Variants in CCDC80 observed in about 807,000 individuals in gnomAD.
The protein encoded by CCDC80 is coiled-coil domain-containing protein 80.
Under a neutral mutation model 78.7 loss-of-function variants are expected in CCDC80, and 49 were observed. The ratio of observed to expected loss-of-function variants is 0.62; its 90% CI spans 0.50 to 0.79. The LOEUF (loss-of-function observed/expected upper bound fraction) is 0.79. Ranked by LOEUF, CCDC80 falls within the 30% of genes least tolerant of loss-of-function variation. The pLI, the probability that CCDC80 is intolerant of heterozygous loss-of-function variation, is 0.00. For missense variants in CCDC80, 1,205 were observed against 1,198.6 expected (o/e 1.01, Z -0.08); for synonymous variants, 488 against 447.0 (o/e 1.09, Z -1.16).
rs767850556 is a variant in CCDC80 at position 112,638,189 on chromosome 3, C to G, written c.1717G>C (p.Glu573Gln). The stretch of plus-strand genomic sequence containing the variant: ...TCTTTCTCTTGCTTGCTCTTTTTCT[C>G]AGACTTCTTCATTTGCTTTTCACTC... ...LKSEKQMKKS[E>Q]KKSKQEKEKS... Residue 573 changes from glutamate to glutamine, a missense_variant, in exon 2 of 8, where the codon GAG becomes CAG. Coordinates refer to ENST00000206423, the MANE Select transcript of CCDC80 (RefSeq NM_199511.3). 1.8e-5 allele frequency: 29 copies of G among 1,613,264 alleles called. No homozygotes were observed. In the South Asian group the frequency reaches 2.9e-4, roughly 16 times the overall value.
In CCDC80 at chr3:112,605,293, T is replaced by G; in HGVS notation, c.*124A>C. 1 of 634,340 alleles carries G rather than the reference T, an allele frequency of 1.6e-6. No individual in the cohort carries two copies. Among genetic ancestry groups the G allele is most frequent in the Admixed American group, 3.2e-5 (1 of 31,092 alleles). 39.3% of individuals were successfully genotyped at this position (634,340 alleles called of 1,614,324 possible). A position where few individuals can be genotyped will look rare whatever the true frequency, so the allele number is the denominator to read the frequency against. On this transcript the variant is annotated 3_prime_UTR_variant, in exon 8 of 8. Transcript: ENST00000206423. ...GTGAAAGTTTGCTATTTATTTAGTC[T>G]TAGAAAAACACTGAAAGAAAAAGGC... is the stretch of plus-strand genomic sequence containing the variant.
In CCDC80 at chr3:112,596,918, CAT is replaced by C. The variant is rs1354348913; in HGVS notation, c.*8497_*8498del. The C allele has an allele frequency of 6.6e-6, 1 of 152,112 alleles. No individual in the cohort carries two copies. The highest frequency in any genetic ancestry group is 1.5e-5 in the Non-Finnish European group (1 of 68,018). 9.4% of individuals were successfully genotyped at this position (152,112 alleles called of 1,614,324 possible). ...GCTTCATAATGTCCTTATTTGCACA[CAT>C]ATACCACACTGCCTTCATTTTCTCC... On this transcript the variant is annotated 3_prime_UTR_variant, in exon 8 of 8. Coordinates refer to ENST00000206423, the MANE Select transcript of CCDC80 (RefSeq NM_199511.3).
chr3:112,619,192 A>G, intron 3 of CCDC80, 88 bp from the exon 4 acceptor site: 1 of 1,220,984 alleles, frequency 8.2e-7, no homozygotes, highest in South Asian at 1.8e-5. Flanking sequence ...GGGCCTAATC[A>G]CACCAGCCTT....
chr3:112,622,688 C>T (rs964185149), intron 3 of CCDC80, among the ~76,000 whole-genome samples: 5 of 152,062 alleles, frequency 3.3e-5, no homozygotes, highest in Admixed American at 2.6e-4. Context: ...TGGAGTCTTG[C>T]TCTGTCACCC....
rs1935377463 is a variant in CCDC80 at position 112,601,686 on chromosome 3, AAAAAAAAAAAGAG to A, written c.*3718_*3730del. 4.2e-5 allele frequency: 2 copies of A among 47,552 alleles called. No individual in the cohort carries two copies. Among genetic ancestry groups the A allele is most frequent in the East Asian group, 1.6e-3 (2 of 1,268 alleles). 2.9% of individuals were successfully genotyped at this position (47,552 alleles called of 1,614,324 possible). On this transcript the variant is annotated 3_prime_UTR_variant, in exon 8 of 8. Transcript: ENST00000206423. The stretch of plus-strand genomic sequence containing the variant: ...AGAGTGAGACCCTCTCCAAAAAAAG[AAAAAAAAAAAGAG>A]AAAAAAAAGAAGCAGCAGCAACGAA...
At chr3:112,629,398 G>T (rs1936050280) in intron 3 of CCDC80, among the ~76,000 whole-genome samples, 1 of 152,046 alleles carries the variant, frequency 6.6e-6, no homozygotes, top group Non-Finnish European at 1.5e-5. Context: ...AATAAACTGG[G>T]TGGGTCATAT....
Position 112,605,627 on chromosome 3 carries a change from G to A in CCDC80, c.2643C>T (p.Ser881=), listed in dbSNP as rs752766682. 6.2e-7 allele frequency: 1 copy of A among 1,614,196 alleles called. No individual in the cohort carries two copies. Among genetic ancestry groups the A allele is most frequent in the Non-Finnish European group, 8.5e-7 (1 of 1,180,032 alleles). The change falls in exon 8 of 8, where the codon TCC becomes TCT. Residue 881 remains serine (S), a synonymous_variant. Coordinates refer to ENST00000206423, the MANE Select transcript of CCDC80 (RefSeq NM_199511.3). ...KDGNVKSWYP[S]PMWSMVIVYD... is the part of the protein sequence containing the mutation. The stretch of plus-strand genomic sequence containing the variant: ...ACACAATCACCATGGACCACATTGG[G>A]GAAGGATACCAGGATTTGACATTTC...
At chr3:112,637,825 G>T (rs1205279705) in intron 2 of CCDC80, among the ~76,000 whole-genome samples, 4 of 152,186 alleles carry the variant, frequency 2.6e-5, no homozygotes. Flanking sequence ...CATGAGTTGT[G>T]TGAGCAGAAC....
At chr3:112,607,352 A>G (rs1935534379) in intron 6 of CCDC80, 96 bp from the exon 7 acceptor site, 1 of 851,766 alleles carries the variant, frequency 1.2e-6, no homozygotes, top group Admixed American at 2.8e-5. Flanking sequence ...AATCTCTTAA[A>G]TTTAAAAAGA....
intron 5 of CCDC80, 105 bp from the exon 6 acceptor site, chr3:112,610,186 GAAA>G: frequency 1.5e-6 from 1 of 663,950 alleles, no homozygotes; most frequent in Non-Finnish European, 2.4e-6. Flanking sequence ...TCTGTGCCCA[GAAA>G]AAAAAAAAGA....
In CCDC80 at chr3:112,619,077, T is replaced by A. The variant is rs776014830; in HGVS notation, c.2063A>T (p.Asp688Val). 6.2e-7 allele frequency: 1 copy of A among 1,603,384 alleles called. No homozygotes were observed. The highest frequency in any genetic ancestry group is 8.5e-7 in the Non-Finnish European group (1 of 1,176,368). ...ACGCTGGTCTACCAAGTCTTCATCA[T>A]CCACCACTCGCATGGGCTTCTCATT... Reference protein sequence around the residue: ...LDNEKPMRVVDDEDLVDQRLI... With the variant: ...LDNEKPMRVVVDEDLVDQRLI... The change falls in exon 4 of 8, where the codon GAT becomes GTT. Residue 688 changes from aspartate to valine, a missense_variant. Physicochemically the swap from Asp to Val is radical, Grantham distance 152 (BLOSUM62 -3). Coordinates refer to ENST00000206423, the MANE Select transcript of CCDC80 (RefSeq NM_199511.3).
At chr3:112,640,057 G>GAAAAAAAAGATGAAGAAT in intron 1 of CCDC80, 141 bp from the exon 2 acceptor site, 1 of 1,398,430 alleles carries the variant, frequency 7.2e-7, no homozygotes. Flanking sequence ...AGAGAAGGAG[G>GAAAAAAAAGATGAAGAAT]GAGGTCAGGA....
intron 3 of CCDC80, among the ~76,000 whole-genome samples, chr3:112,626,146 G>A (rs1935966619): frequency 6.6e-6 from 1 of 152,186 alleles, no homozygotes. Context: ...GTTGGAGGCA[G>A]CAAGGGCAGT....
rs1478435378 is a variant in CCDC80, at chr3:112,604,292, T to C, written c.*1125A>G. The C allele has an allele frequency of 6.6e-6, 1 of 152,152 alleles. No homozygotes were observed. Among genetic ancestry groups the C allele is most frequent in the Non-Finnish European group, 1.5e-5 (1 of 68,012 alleles). 9.4% of individuals were successfully genotyped at this position (152,152 alleles called of 1,614,324 possible). A position where few individuals can be genotyped will look rare whatever the true frequency, so the allele number is the denominator to read the frequency against. ...TCACATGCTGCAGAGAAATCTTTCA[T>C]GAAGAAAAAGTCAATCGAAGTGGCA... On this transcript the variant is annotated 3_prime_UTR_variant, in exon 8 of 8. Coordinates refer to ENST00000206423, the MANE Select transcript of CCDC80 (RefSeq NM_199511.3).
At chr3:112,611,964 A>C (rs1237591336) in intron 5 of CCDC80, among the ~76,000 whole-genome samples, 2 of 152,116 alleles carry the variant, frequency 1.3e-5, no homozygotes, top group African/African-American at 4.8e-5. Context: ...GTTTGATGAA[A>C]TACAACCTCT....
chr3:112,628,284 C>G (rs754642516), intron 3 of CCDC80, among the ~76,000 whole-genome samples: 12 of 152,174 alleles, frequency 7.9e-5, no homozygotes, highest in Non-Finnish European at 1.8e-4. Flanking sequence ...GTATTAGTCT[C>G]TTGGGCTTCA....
chr3:112,636,766 G>A (rs1936216277), intron 2 of CCDC80, among the ~76,000 whole-genome samples: 1 of 152,206 alleles, frequency 6.6e-6, no homozygotes, highest in Admixed American at 6.5e-5. Context: ...GCCTTCAAGA[G>A]GATGGGTGCT....
rs1935408334 is a variant in CCDC80, at chr3:112,603,321, C to A, written c.*2096G>T. On this transcript the variant is annotated 3_prime_UTR_variant, in exon 8 of 8. Coordinates refer to ENST00000206423, the MANE Select transcript of CCDC80 (RefSeq NM_199511.3). ...GCCAAAGTCAGTAGTTCGAGACCACCCTGACTAACATGGTGAAACCCCATC... is the reference window on the plus strand; with the variant it reads ...GCCAAAGTCAGTAGTTCGAGACCACACTGACTAACATGGTGAAACCCCATC... 1 of 151,786 alleles carries A rather than the reference C, an allele frequency of 6.6e-6. No individual in the cohort carries two copies. The highest frequency in any genetic ancestry group is 1.5e-5 in the Non-Finnish European group (1 of 68,008). The allele number at this position is 151,786 out of a possible 1,614,324, so 9.4% of individuals were successfully genotyped here.
At chr3:112,632,376 A>G (rs1017064606) in intron 2 of CCDC80, among the ~76,000 whole-genome samples, 2 of 152,230 alleles carry the variant, frequency 1.3e-5, no homozygotes, top group African/African-American at 2.4e-5. Flanking sequence ...AATTAAGGAT[A>G]AGCCATATTT....
Sources: allele counts gnomAD v4.1 joint callset (sites outside exome capture counted in the v4.1 genomes callset), GRCh38; gene constraint gnomAD v4.1.1; transcripts MANE v1.5; gene names NCBI Gene and HGNC (gene_info 2026-07-23, HGNC 2026-07-21).